CDH23: variants seen among roughly 807,000 people sequenced by gnomAD.
The protein encoded by CDH23 is cadherin related 23.
CDH23 carries 189 observed loss-of-function variants against 317.1 expected under a neutral mutation model. The ratio of observed to expected loss-of-function variants is 0.60; its 90% confidence interval spans 0.53 to 0.67. The LOEUF (loss-of-function observed/expected upper bound fraction) is 0.67, where lower values mean the gene tolerates loss of function less well. Ranked by LOEUF, CDH23 falls within the 30% of genes least tolerant of loss-of-function variation. The probability of loss-of-function intolerance (pLI) is 0.00; values close to 1 mark genes in which losing one functional copy is unlikely to be tolerated. For missense variants in CDH23, 4,401 were observed against 4,592.4 expected (o/e 0.96, Z 1.20); for synonymous variants, 1,839 against 1,876.8 (o/e 0.98, Z 0.52).
chr10:71,665,018 T>A (rs781070243), intron 14 of CDH23, among the ~76,000 whole-genome samples: 3 of 152,190 alleles, frequency 2.0e-5, no homozygotes, highest in Non-Finnish European at 4.4e-5. Flanking sequence ...TCCTCATAAG[T>A]CATCAGATAT....
intron 45 of CDH23, 47 bp downstream of exon 45, chr10:71,789,089 C>G: frequency 3.3e-6 from 3 of 917,388 alleles, no homozygotes; most frequent in Non-Finnish European, 5.5e-6. Flanking sequence ...CCAGGCACCA[C>G]TGGGGCCTGG....
Position 71,646,444 on chromosome 10 carries a change from G to A in CDH23, c.1291-15G>A, listed in dbSNP as rs1862863201. On this transcript the variant is annotated splice_polypyrimidine_tract_variant and intron_variant, in intron 13 of 69. Transcript: ENST00000224721. ...CATGTGGGAGCTTACCTGGGCCCCTGTTCTGCACCCCCAGCTCTTTGCCAA... is the reference window on the plus strand; with the variant it reads ...CATGTGGGAGCTTACCTGGGCCCCTATTCTGCACCCCCAGCTCTTTGCCAA... 5 of 1,612,768 alleles carry A rather than the reference G, an allele frequency of 3.1e-6. No homozygotes were observed. In the East Asian group the frequency reaches 1.1e-4, roughly 36 times the overall value.
intron 28 of CDH23, chr10:71,717,784 T>G (rs756426165): frequency 4.6e-5 from 7 of 152,184 alleles, no homozygotes; most frequent in Non-Finnish European, 1.5e-5. Context: ...TGGATTTTTT[T>G]AAAGGCAAAC....
At chr10:71,597,082 C>T (rs146487575) in intron 9 of CDH23, among the ~76,000 whole-genome samples, 126 of 152,268 alleles carry the variant, frequency 8.3e-4, no homozygotes, top group Middle Eastern at 3.4e-3. Context: ...ATTTCCCAGG[C>T]AAAGTGACTG....
intron 3 of CDH23, among the ~76,000 whole-genome samples, chr10:71,509,063 G>T (rs925736893): frequency 6.6e-6 from 1 of 152,172 alleles, no homozygotes; most frequent in African/African-American, 2.4e-5. Flanking sequence ...TGAAGCCTAG[G>T]TGCCCTCAGG....
chr10:71,428,621 C>G (rs1279946584), intron 1 of CDH23, among the ~76,000 whole-genome samples: 2 of 151,356 alleles, frequency 1.3e-5, no homozygotes, highest in African/African-American at 4.9e-5. Context: ...TGGAGTCTCA[C>G]TCCATTGCCC....
At chr10:71,800,406 C>G (rs558889134) in intron 52 of CDH23, among the ~76,000 whole-genome samples, 1 of 152,218 alleles carries the variant, frequency 6.6e-6, no homozygotes, top group African/African-American at 2.4e-5. Flanking sequence ...TATGCTAGTT[C>G]CTGGTCAGGC....
chr10:71,416,545 C>T (rs1848540776), intron 1 of CDH23, among the ~76,000 whole-genome samples: 4 of 152,194 alleles, frequency 2.6e-5, no homozygotes, highest in Admixed American at 2.6e-4. Flanking sequence ...CTTTATTCTT[C>T]ATTGTATTTT....
At chr10:71,622,923 C>T (rs904389849) in intron 11 of CDH23, 21 of 985,406 alleles carry the variant, frequency 2.1e-5, no homozygotes, top group Non-Finnish European at 2.5e-5. Flanking sequence ...GAAAGGCCTT[C>T]GGGCCTCATT....
At chr10:71,578,885 G>A (rs749165536) in intron 9 of CDH23, among the ~76,000 whole-genome samples, 4 of 152,208 alleles carry the variant, frequency 2.6e-5, no homozygotes, top group Non-Finnish European at 5.9e-5. Context: ...CCCCAGAACT[G>A]GGAGTGGCAT....
chr10:71,451,626 T>A (rs1850449376), intron 3 of CDH23, among the ~76,000 whole-genome samples: 1 of 152,188 alleles, frequency 6.6e-6, no homozygotes. Flanking sequence ...CCTTCCTGGG[T>A]CTCCTTGTTG....
At chr10:71,539,315 A>G (rs759447431) in intron 6 of CDH23, among the ~76,000 whole-genome samples, 2 of 152,116 alleles carry the variant, frequency 1.3e-5, no homozygotes, top group Non-Finnish European at 2.9e-5. Flanking sequence ...TCCTGGACCC[A>G]GCCCACCTAT....
intron 38 of CDH23, among the ~76,000 whole-genome samples, chr10:71,763,741 G>A (rs186836523): frequency 3.9e-5 from 6 of 152,344 alleles, no homozygotes; most frequent in African/African-American, 9.6e-5. Flanking sequence ...AGTGCCATGC[G>A]AGTAGTCGGC....
intron 3 of CDH23, among the ~76,000 whole-genome samples, chr10:71,501,372 G>C (rs1011550360): frequency 6.6e-6 from 1 of 152,218 alleles, no homozygotes; most frequent in South Asian, 2.1e-4. Context: ...TTGCAGGAGA[G>C]CACAGGAGTG....
chr10:71,398,891 G>A (rs1448741634), intron 1 of CDH23, among the ~76,000 whole-genome samples: 4 of 152,124 alleles, frequency 2.6e-5, no homozygotes, highest in Non-Finnish European at 5.9e-5. Flanking sequence ...GCAGTGAGGG[G>A]TGGGAGGCCC....
chr10:71,704,929 G>A lies in CDH23; in HGVS notation c.2752G>A (p.Asp918Asn), dbSNP rs769870573. The A allele has an allele frequency of 5.6e-6, 9 of 1,612,652 alleles. No individual in the cohort carries two copies. The highest frequency in any genetic ancestry group is 3.3e-5 in the Admixed American group (2 of 60,006). ...SIYQVVAIDL[D>N]EGLNGLVSYR... ...CCCTCAGGTGGTGGCCATCGACCTC[G>A]ATGAGGGCCTGAACGGCCTGGTGTC... is the stretch of plus-strand genomic sequence containing the variant. Residue 918 changes from aspartate to asparagine, a missense_variant, in exon 25 of 70, where the codon GAT becomes AAT. Physicochemically the swap from Asp to Asn is conservative, Grantham distance 23. Around this residue, in one of 3 missense-constraint regions of CDH23, gnomAD observed 3,068 missense variants for 3,203.3 expected, o/e 0.96. Coordinates refer to ENST00000224721, the MANE Select transcript of CDH23 (RefSeq NM_022124.6).
intron 22 of CDH23, among the ~76,000 whole-genome samples, chr10:71,698,161 G>A (rs1437879229): frequency 6.6e-6 from 1 of 152,126 alleles, no homozygotes; most frequent in Admixed American, 6.5e-5. Context: ...TCCCAGTTAC[G>A]TATGATGATT....
chr10:71,560,766 C>G (rs1394845119), intron 6 of CDH23, among the ~76,000 whole-genome samples: 1 of 151,024 alleles, frequency 6.6e-6, no homozygotes, highest in African/African-American at 2.4e-5. Flanking sequence ...GAGGCTGTTA[C>G]CAGCTCTGAT....
At position 71,577,949 on chromosome 10, in the gene CDH23, G is replaced by T. The variant is rs772466142; in HGVS notation, c.789G>T (p.Gln263His). 6.2e-7 allele frequency: 1 copy of T among 1,605,824 alleles called. No homozygotes were observed. Among genetic ancestry groups the T allele is most frequent in the Non-Finnish European group, 8.5e-7 (1 of 1,176,416 alleles). ...TGCGCATCATCACCGCCATAGACCAGGATAAAGGACGTCCCCGGGGCATTG... is the reference window on the plus strand; with the variant it reads ...TGCGCATCATCACCGCCATAGACCATGATAAAGGACGTCCCCGGGGCATTG... ...TTVRIITAIDQDKGRPRGIGY... is the reference protein window; with the variant it reads ...TTVRIITAIDHDKGRPRGIGY... The change falls in exon 9 of 70, where the codon CAG (glutamine) becomes CAT (histidine). Residue 263 changes from glutamine (Q) to histidine (H), a missense_variant. Around this residue, in one of 3 missense-constraint regions of CDH23, gnomAD observed 3,068 missense variants for 3,203.3 expected, o/e 0.96. Transcript: ENST00000224721.
Sources: gnomAD v4.1 joint callset for allele counts (sites outside exome capture counted in the v4.1 genomes callset) on GRCh38, gnomAD v4.1.1 for gene constraint, gnomAD v4.1.1 regional missense constraint, MANE v1.5 for transcripts, NCBI Gene and HGNC (gene_info 2026-07-23, HGNC 2026-07-21) for gene names.